Variants in PCGF5 observed in about 807,000 individuals in gnomAD.
PCGF5 encodes the protein polycomb group RING finger protein 5.
In PCGF5, 9 loss-of-function variants were observed where a neutral mutation model predicts 44.3. The observed-to-expected ratio is 0.20, with a 90% confidence interval of 0.12 to 0.35. The LOEUF (loss-of-function observed/expected upper bound fraction) is 0.35. Ranked by LOEUF, PCGF5 falls within the 10% of genes least tolerant of loss-of-function variation. The probability of loss-of-function intolerance (pLI) is 1.00; values close to 1 mark genes in which losing one functional copy is unlikely to be tolerated. For synonymous variants in PCGF5, 95 were observed against 102.5 expected, an observed-to-expected ratio of 0.93 and a Z score of 0.44; for missense variants, 146 against 305.3, an observed-to-expected ratio of 0.48 and a Z score of 3.89.
At chr10:91,200,671 C>T (rs1844235460) in intron 1 of PCGF5, among the ~76,000 whole-genome samples, 1 of 151,992 alleles carries the variant, frequency 6.6e-6, no homozygotes, top group Non-Finnish European at 1.5e-5. Context: ...GGCTGAGAGG[C>T]AGGATTGTGT....
In PCGF5 at chr10:91,282,960, T is replaced by A. The variant is rs1846489087; in HGVS notation, c.*4644T>A. The A allele has an allele frequency of 6.6e-6, 1 of 152,282 alleles. No homozygotes were observed. Among genetic ancestry groups the A allele is most frequent in the African/African-American group, 2.4e-5 (1 of 41,426 alleles). 9.4% of individuals were successfully genotyped at this position (152,282 alleles called of 1,614,324 possible). ...TAAGGAACATGTCTGCTAGATCTGG[T>A]TTATGAAAAAGTGAAAAATATTAAA... On this transcript the variant is annotated 3_prime_UTR_variant, in exon 10 of 10. Coordinates refer to ENST00000336126, the MANE Select transcript of PCGF5 (RefSeq NM_032373.5).
At chr10:91,208,730 A>G (rs1390305744) in intron 1 of PCGF5, among the ~76,000 whole-genome samples, 2 of 152,088 alleles carry the variant, frequency 1.3e-5, no homozygotes, top group Non-Finnish European at 2.9e-5. Flanking sequence ...CTGGCCTCAC[A>G]CTCATGCTTA....
chr10:91,236,591 T>G (rs1259867342), intron 2 of PCGF5, among the ~76,000 whole-genome samples: 1 of 152,212 alleles, frequency 6.6e-6, no homozygotes, highest in Non-Finnish European at 1.5e-5. Context: ...ACTACAGCAG[T>G]TGAGCAGTTA....
At chr10:91,227,792 A>G in intron 2 of PCGF5, 1 of 989,996 alleles carries the variant, frequency 1.0e-6, no homozygotes, top group Non-Finnish European at 1.2e-6. Flanking sequence ...ACATACAAAT[A>G]CTTGGTTCAA....
chr10:91,173,959 T>G (rs1048144476), intron 1 of PCGF5, among the ~76,000 whole-genome samples: 1 of 151,946 alleles, frequency 6.6e-6, no homozygotes, highest in East Asian at 2.0e-4. Flanking sequence ...GACTCCAGTA[T>G]TGATGATGAT....
In PCGF5 at chr10:91,261,611, A is replaced by G. The variant is rs374611072; in HGVS notation, c.573+187A>G. ...GGTAATATGTGTACTCTAATTGAAC[A>G]TATCCTGAATAAACTATGATACTAA... On this transcript the variant is annotated intron_variant, in intron 7 of 9. Transcript: ENST00000336126. 2.4e-4 allele frequency among the ~76,000 whole-genome samples: 37 copies of G among 152,350 alleles called. 1 individual carries two copies. In the East Asian group the frequency reaches 6.6e-3, roughly 27 times the overall value.
At chr10:91,161,946 G>C (rs1324450286), upstream of PCGF5, among the ~76,000 whole-genome samples, 1 of 151,956 alleles carries the variant, frequency 6.6e-6, no homozygotes, top group Non-Finnish European at 1.5e-5. Context: ...TGACCCCCAG[G>C]TCAGAATGAT....
At chr10:91,222,452 T>C (rs1046349210) in intron 1 of PCGF5, among the ~76,000 whole-genome samples, 1 of 152,188 alleles carries the variant, frequency 6.6e-6, no homozygotes, top group African/African-American at 2.4e-5. Context: ...CTGTAGTTAA[T>C]AGCTTTGGGT....
chr10:91,275,607 A>ATT (rs72439811), intron 9 of PCGF5, among the ~76,000 whole-genome samples: 5,619 of 128,810 alleles, frequency 0.044, 450 homozygotes, highest in African/African-American at 0.15. Flanking sequence ...TGCCCGGCTA[A>ATT]TTTTTTTTTT....
chr10:91,173,784 C>T (rs1003205038), intron 1 of PCGF5, among the ~76,000 whole-genome samples: 1 of 151,848 alleles, frequency 6.6e-6, no homozygotes, highest in African/African-American at 2.4e-5. Context: ...AGGTTTTCAG[C>T]CTTAAAGATT....
intron 1 of PCGF5, among the ~76,000 whole-genome samples, chr10:91,176,915 C>T (rs12265261): frequency 6.6e-6 from 1 of 152,230 alleles, no homozygotes; most frequent in Non-Finnish European, 1.5e-5. Flanking sequence ...TCATCAAAGT[C>T]TTTCTCCGTC....
intron 7 of PCGF5, among the ~76,000 whole-genome samples, chr10:91,263,328 A>G (rs1845970816): frequency 6.6e-6 from 1 of 152,214 alleles, no homozygotes; most frequent in Non-Finnish European, 1.5e-5. Flanking sequence ...AAATGAAATT[A>G]TCTCCTTTAT....
At chr10:91,183,286 G>C (rs944246775) in intron 1 of PCGF5, among the ~76,000 whole-genome samples, 27 of 151,968 alleles carry the variant, frequency 1.8e-4, no homozygotes, top group Non-Finnish European at 2.8e-4. Flanking sequence ...CCTGTGTTGG[G>C]TATATATATA....
At chr10:91,214,897 G>A (rs1844514926) in intron 1 of PCGF5, among the ~76,000 whole-genome samples, 1 of 152,212 alleles carries the variant, frequency 6.6e-6, no homozygotes, top group Non-Finnish European at 1.5e-5. Flanking sequence ...ATCAATTTAT[G>A]CTTATAAGTT....
chr10:91,272,689 C>G (rs934535984), intron 9 of PCGF5, among the ~76,000 whole-genome samples: 3 of 152,146 alleles, frequency 2.0e-5, no homozygotes, highest in African/African-American at 7.2e-5. Flanking sequence ...GGGAGGGTCG[C>G]TTGAGCCCAG....
upstream of PCGF5, among the ~76,000 whole-genome samples, chr10:91,219,211 T>C (rs1844605216): frequency 6.6e-6 from 1 of 152,306 alleles, no homozygotes; most frequent in African/African-American, 2.4e-5. Context: ...TTGTGACCCC[T>C]TCCTTCATTG....
intron 1 of PCGF5, among the ~76,000 whole-genome samples, chr10:91,192,507 A>G (rs544841551): frequency 5.9e-5 from 9 of 152,254 alleles, no homozygotes; most frequent in Non-Finnish European, 1.2e-4. Context: ...TATTCTAATT[A>G]GCATTTTCAA....
chr10:91,283,769 T>C lies in PCGF5; in HGVS notation c.*5453T>C. On this transcript the variant is annotated 3_prime_UTR_variant, in exon 10 of 10. Coordinates refer to ENST00000336126, the MANE Select transcript of PCGF5 (RefSeq NM_032373.5). ...CACAACAGAGATCATCAGTTTTAAA[T>C]AGAGTAGCCCTCACAATCAAAATAT... 6.6e-6 allele frequency: 1 copy of C among 152,382 alleles called. No homozygotes were observed. The highest frequency in any genetic ancestry group is 1.9e-4 in the East Asian group (1 of 5,204). The allele number at this position is 152,382 out of a possible 1,614,324, so 9.4% of individuals were successfully genotyped here.
At chr10:91,184,654 A>G (rs920267944) in intron 1 of PCGF5, among the ~76,000 whole-genome samples, 11 of 151,912 alleles carry the variant, frequency 7.2e-5, no homozygotes, top group Admixed American at 6.6e-4. Context: ...TTGAGTTTTC[A>G]GTGTTCTTGT....
Sources: allele counts gnomAD v4.1 joint callset (sites outside exome capture counted in the v4.1 genomes callset), GRCh38; gene constraint gnomAD v4.1.1; transcripts MANE v1.5; gene names NCBI Gene and HGNC (gene_info 2026-07-23, HGNC 2026-07-21).